Variants in TTLL11 observed in about 807,000 individuals in gnomAD.
TTLL11 encodes tubulin tyrosine ligase like 11.
A neutral mutation model predicts 51.7 loss-of-function variants in TTLL11; 42 were observed. The ratio of observed to expected loss-of-function variants is 0.81; its 90% CI spans 0.64 to 1.05. TTLL11 has a LOEUF of 1.05. Among genes scored for constraint, TTLL11 ranks in the 50% least tolerant of loss-of-function variants. The probability of loss-of-function intolerance (pLI) is 0.00; values close to 1 mark genes in which losing one functional copy is unlikely to be tolerated. For synonymous variants in TTLL11, 381 were observed against 383.5 expected (o/e 0.99, Z 0.08); for missense variants, 799 against 940.4 (o/e 0.85, Z 1.97).
chr9:121,832,061 T>C (rs1837033330), intron 8 of TTLL11, among the ~76,000 whole-genome samples: 1 of 152,170 alleles, frequency 6.6e-6, no homozygotes, highest in African/African-American at 2.4e-5. Flanking sequence ...ATGCTAATCC[T>C]ATTCAATAAG....
intron 4 of TTLL11, among the ~76,000 whole-genome samples, chr9:121,975,666 G>A (rs1842689198): frequency 6.6e-6 from 1 of 152,008 alleles, no homozygotes; most frequent in East Asian, 1.9e-4. Flanking sequence ...GAGCCAAGAT[G>A]GTGCCACTGC....
chr9:122,020,010 CTG>C lies in TTLL11; in HGVS notation c.693+11711_693+11712del, dbSNP rs373724748. Among the ~76,000 whole-genome samples the C allele has an allele frequency of 2.5e-3, 380 of 152,342 alleles. 3 individuals carry two copies. The highest frequency in any genetic ancestry group is 8.9e-3 in the African/African-American group (369 of 41,574). ...GTGAGGCATCCCCAGCCATGTGGAA[CTG>C]TGAGTCCATTAAACCTCTTTTTCTT... is the stretch of plus-strand genomic sequence containing the variant. On this transcript the variant is annotated intron_variant, in intron 3 of 8. Transcript: ENST00000321582.
chr9:121,915,961 A>G (rs115800015), intron 6 of TTLL11, among the ~76,000 whole-genome samples: 2,731 of 148,614 alleles, frequency 0.018, 53 homozygotes, highest in African/African-American at 0.046. Flanking sequence ...CTGAAGAAAT[A>G]TTGGCATGTA....
At chr9:121,857,528 AGCGATATAT>A (rs1356267444) in intron 8 of TTLL11, among the ~76,000 whole-genome samples, 1 of 152,204 alleles carries the variant, frequency 6.6e-6, no homozygotes, top group Non-Finnish European at 1.5e-5. Flanking sequence ...GAGAATTTGC[AGCGATATAT>A]GCACAAGTGA....
intron 8 of TTLL11, among the ~76,000 whole-genome samples, chr9:121,832,469 G>C (rs1043389025): frequency 6.6e-6 from 1 of 152,290 alleles, no homozygotes; most frequent in East Asian, 1.9e-4. Context: ...TTATGTAGAA[G>C]GCCCTGGATT....
intron 4 of TTLL11, among the ~76,000 whole-genome samples, chr9:121,983,000 T>C (rs2131677046): frequency 6.6e-6 from 1 of 152,284 alleles, no homozygotes; most frequent in African/African-American, 2.4e-5. Context: ...TCTCCTTGGC[T>C]ACAGTGAGAA....
intron 5 of TTLL11, among the ~76,000 whole-genome samples, chr9:121,974,364 C>G (rs1842648873): frequency 6.6e-6 from 1 of 152,058 alleles, no homozygotes; most frequent in East Asian, 1.9e-4. Context: ...TACATGCTCA[C>G]TGCAAAAAAT....
At chr9:121,857,155 GA>G (rs565903350) in intron 8 of TTLL11, among the ~76,000 whole-genome samples, 2 of 152,168 alleles carry the variant, frequency 1.3e-5, no homozygotes, top group Non-Finnish European at 2.9e-5. Context: ...CAGGAGTGAG[GA>G]AAACTCAGAG....
At chr9:121,958,105 G>A (rs1297725383) in intron 6 of TTLL11, among the ~76,000 whole-genome samples, 1 of 152,198 alleles carries the variant, frequency 6.6e-6, no homozygotes, top group Non-Finnish European at 1.5e-5. Flanking sequence ...AACCTGCAAT[G>A]TAGGAACAGT....
intron 8 of TTLL11, among the ~76,000 whole-genome samples, chr9:121,834,475 T>C (rs1837122735): frequency 9.0e-6 from 1 of 111,068 alleles, no homozygotes; most frequent in South Asian, 3.2e-4. Context: ...ATAGCTGCCC[T>C]GAGTGGCTTT....
At chr9:121,893,809 T>A (rs1324920678) in intron 6 of TTLL11, among the ~76,000 whole-genome samples, 6 of 152,204 alleles carry the variant, frequency 3.9e-5, no homozygotes, top group Non-Finnish European at 5.9e-5. Context: ...ATGGAGACAT[T>A]CTGTCAGAAA....
intron 6 of TTLL11, among the ~76,000 whole-genome samples, chr9:121,943,853 C>G (rs541432017): frequency 4.6e-5 from 7 of 152,240 alleles, no homozygotes; most frequent in Admixed American, 6.5e-5. Context: ...CAGGTCTATC[C>G]CCCTGTGCAC....
At chr9:121,935,813 C>G (rs982000333) in intron 6 of TTLL11, among the ~76,000 whole-genome samples, 11 of 152,258 alleles carry the variant, frequency 7.2e-5, no homozygotes, top group African/African-American at 2.6e-4. Context: ...GCTCAGGTAC[C>G]TGGATAAACT....
At chr9:121,970,463 C>T (rs1010829947) in intron 6 of TTLL11, among the ~76,000 whole-genome samples, 12 of 152,160 alleles carry the variant, frequency 7.9e-5, no homozygotes, top group African/African-American at 1.2e-4. Context: ...AAGACTCAGG[C>T]CATACAAGGG....
At chr9:122,014,674 G>C (rs561128539) in intron 3 of TTLL11, among the ~76,000 whole-genome samples, 1 of 152,286 alleles carries the variant, frequency 6.6e-6, no homozygotes, top group South Asian at 2.1e-4. Context: ...CACACTAAAG[G>C]AAACTGTGAC....
intron 8 of TTLL11, among the ~76,000 whole-genome samples, chr9:121,852,151 G>C (rs1020691456): frequency 6.6e-6 from 1 of 152,214 alleles, no homozygotes; most frequent in African/African-American, 2.4e-5. Context: ...AGCTCACTGG[G>C]AGTGTGTGCA....
intron 3 of TTLL11, among the ~76,000 whole-genome samples, chr9:122,027,387 G>A (rs1844378684): frequency 6.6e-6 from 1 of 152,088 alleles, no homozygotes; most frequent in South Asian, 2.1e-4. Flanking sequence ...CAAAGACCAG[G>A]GAACCATTAC....
chr9:121,824,258 C>T (rs570895277), intron 8 of TTLL11, among the ~76,000 whole-genome samples: 62 of 152,042 alleles, frequency 4.1e-4, no homozygotes, highest in African/African-American at 1.4e-3. Flanking sequence ...GGGCGGATCA[C>T]GAGGTCAGGA....
intron 1 of TTLL11, among the ~76,000 whole-genome samples, chr9:122,042,443 G>A (rs1213350168): frequency 6.6e-6 from 1 of 152,252 alleles, no homozygotes; most frequent in African/African-American, 2.4e-5. Flanking sequence ...AGGACGTCGA[G>A]CAACAGGAAC....
Sources: gnomAD v4.1 joint callset for allele counts (sites outside exome capture counted in the v4.1 genomes callset) on GRCh38, gnomAD v4.1.1 for gene constraint, MANE v1.5 for transcripts, NCBI Gene and HGNC (gene_info 2026-07-23, HGNC 2026-07-21) for gene names.